The following GPBP1 variants were observed in gnomAD, a reference collection of about 807,000 sequenced individuals.
GPBP1 encodes the protein vasculin.
In GPBP1, 13 loss-of-function variants were observed where a neutral mutation model predicts 56.5. The ratio of observed to expected loss-of-function variants is 0.23; its 90% CI spans 0.15 to 0.37. The LOEUF is 0.37. Ranked by LOEUF, GPBP1 falls within the 10% of genes least tolerant of loss-of-function variation. The probability of loss-of-function intolerance (pLI) is 1.00; values close to 1 mark genes in which losing one functional copy is unlikely to be tolerated. For synonymous variants in GPBP1, 204 were observed against 188.9 expected (o/e 1.08, Z -0.66); for missense variants, 477 against 572.3 (o/e 0.83, Z 1.70).
At chr5:57,196,673 A>G (rs753518597) in intron 2 of GPBP1, among the ~76,000 whole-genome samples, 1 of 151,536 alleles carries the variant, frequency 6.6e-6, no homozygotes, top group Non-Finnish European at 1.5e-5. Flanking sequence ...GCTCACTGCA[A>G]CCTCGACTTG....
At chr5:57,185,405 C>T (rs1754243595) in intron 2 of GPBP1, among the ~76,000 whole-genome samples, 1 of 151,946 alleles carries the variant, frequency 6.6e-6, no homozygotes, top group South Asian at 2.1e-4. Context: ...GGATTACAGG[C>T]ACATGCCACA....
At chr5:57,215,228 TGTG>T (rs1165864458) in intron 3 of GPBP1, among the ~76,000 whole-genome samples, 1 of 152,242 alleles carries the variant, frequency 6.6e-6, no homozygotes, top group Admixed American at 6.5e-5. Flanking sequence ...ATTCCATGAA[TGTG>T]GTGATTTAGA....
At chr5:57,184,552 C>G (rs1754203107) in intron 2 of GPBP1, among the ~76,000 whole-genome samples, 1 of 152,146 alleles carries the variant, frequency 6.6e-6, no homozygotes, top group South Asian at 2.1e-4. Context: ...AACTCATCAC[C>G]AAGGGGTTGG....
intron 6 of GPBP1, among the ~76,000 whole-genome samples, chr5:57,236,347 A>T (rs1756661042): frequency 6.6e-6 from 1 of 152,194 alleles, no homozygotes; most frequent in South Asian, 2.1e-4. Context: ...TAAAGAAACA[A>T]ACTGAGTTTA....
Position 57,251,051 on chromosome 5 carries a change from G to A in GPBP1, c.1070G>A (p.Gly357Asp). The A allele has an allele frequency of 6.2e-7, 1 of 1,613,056 alleles. No homozygotes were observed. Among genetic ancestry groups the A allele is most frequent in the Non-Finnish European group, 8.5e-7 (1 of 1,179,574 alleles). Residue 357 changes from glycine (G) to aspartate (D), a missense_variant, in exon 10 of 12, where the codon GGC (glycine) becomes GAC (aspartate). Transcript: ENST00000506184. ...FDENEIPQEN[G>D]NASVISQQII... ...GAAAATGAAATTCCTCAAGAGAATG[G>A]CAATGCCTCAGTGATTTCCCAGCAG...
chr5:57,195,074 T>A (rs910056823), intron 2 of GPBP1, among the ~76,000 whole-genome samples: 1 of 144,528 alleles, frequency 6.9e-6, no homozygotes, highest in African/African-American at 2.7e-5. Context: ...TAAGGATGGG[T>A]TTTTTTTTTG....
chr5:57,176,226 TA>T lies in GPBP1; in HGVS notation c.-228del. ...TCGGGAGATAGCCATATGAAAACTT[TA>T]AAACAGAAGTATGGGTAGCTGACTT... On this transcript the variant is annotated 5_prime_UTR_variant, in exon 2 of 12. It removes the in-frame stop codon of an upstream open reading frame in the 5' UTR. Transcript: ENST00000506184. The T allele has an allele frequency of 2.6e-6, 1 of 386,792 alleles. No homozygotes were observed. Among genetic ancestry groups the T allele is most frequent in the Non-Finnish European group, 4.6e-6 (1 of 219,362 alleles). The allele number at this position is 386,792 out of a possible 1,614,324, so 24.0% of individuals were successfully genotyped here.
At chr5:57,217,668 T>C (rs906118403) in intron 3 of GPBP1, among the ~76,000 whole-genome samples, 7 of 152,118 alleles carry the variant, frequency 4.6e-5, no homozygotes, top group Admixed American at 3.9e-4. Context: ...AATGAGACAA[T>C]GCGAATGCAA....
intron 2 of GPBP1, among the ~76,000 whole-genome samples, chr5:57,178,426 A>G (rs1233725054): frequency 6.6e-6 from 1 of 151,984 alleles, no homozygotes; most frequent in Non-Finnish European, 1.5e-5. Context: ...TTGTATTTTT[A>G]GTAGGGACAG....
intron 2 of GPBP1, among the ~76,000 whole-genome samples, chr5:57,194,553 T>C (rs1452614803): frequency 6.6e-6 from 1 of 152,182 alleles, no homozygotes; most frequent in African/African-American, 2.4e-5. Context: ...ATTTTAGTTA[T>C]CTTGAAATAT....
At chr5:57,210,349 A>T (rs558104583) in intron 2 of GPBP1, among the ~76,000 whole-genome samples, 1 of 152,210 alleles carries the variant, frequency 6.6e-6, no homozygotes, top group African/African-American at 2.4e-5. Flanking sequence ...GGGTTTTCAT[A>T]CTAGCAGTAT....
chr5:57,216,868 C>CT (rs11346369), intron 3 of GPBP1, among the ~76,000 whole-genome samples: 81 of 148,962 alleles, frequency 5.4e-4, no homozygotes, highest in Non-Finnish European at 6.8e-4. Flanking sequence ...ATCTGGAACG[C>CT]TTTTTTTTTT....
chr5:57,249,572 A>G lies in GPBP1; in HGVS notation c.968A>G (p.Glu323Gly). Reference protein sequence around the residue: ...EHEDESRAGSEKDDDSFNLHN... With the variant: ...EHEDESRAGSGKDDDSFNLHN... The stretch of plus-strand genomic sequence containing the variant: ...GAAGATGAAAGCCGTGCTGGCTCAG[A>G]GAAGGTAATTGAATTTATAGCAATA... Residue 323 changes from glutamate to glycine, a missense_variant, in exon 9 of 12, where the codon GAG (glutamate) becomes GGG (glycine). Glu to Gly is a moderately conservative substitution (Grantham distance 98). This residue lies in a region of GPBP1 where 414 missense variants were observed against 458.2 expected (regional missense o/e 0.90). Transcript: ENST00000506184. The G allele has an allele frequency of 6.2e-7, 1 of 1,601,280 alleles. No homozygotes were observed. Among genetic ancestry groups the G allele is most frequent in the East Asian group, 2.2e-5 (1 of 44,740 alleles).
chr5:57,225,160 G>C (rs1756123795), intron 3 of GPBP1, among the ~76,000 whole-genome samples: 1 of 152,002 alleles, frequency 6.6e-6, no homozygotes, highest in Non-Finnish European at 1.5e-5. Flanking sequence ...AAGGAAGATA[G>C]AAAACTGGTA....
At position 57,252,106 on chromosome 5, in the gene GPBP1, A is replaced by C. The variant is rs534180920; in HGVS notation, c.1160+965A>C. Among the ~76,000 whole-genome samples, 562 of 151,986 alleles carry C rather than the reference A, an allele frequency of 3.7e-3. 1 individual carries two copies. Among genetic ancestry groups the C allele is most frequent in the Non-Finnish European group, 6.7e-3 (452 of 67,942 alleles). On this transcript the variant is annotated intron_variant, in intron 10 of 11. Coordinates refer to ENST00000506184, the MANE Select transcript of GPBP1 (RefSeq NM_022913.4). ...ATTCTGTGAGTTTTTTCATTCTCTCAGTAGTGCAATCACCTCCCACCCACC... is the reference window on the plus strand; with the variant it reads ...ATTCTGTGAGTTTTTTCATTCTCTCCGTAGTGCAATCACCTCCCACCCACC...
At chr5:57,187,423 T>C (rs751967392) in intron 2 of GPBP1, among the ~76,000 whole-genome samples, 1 of 152,236 alleles carries the variant, frequency 6.6e-6, no homozygotes, top group East Asian at 1.9e-4. Flanking sequence ...GTGCTAATTA[T>C]GTGCTAGAGA....
At chr5:57,215,176 G>T (rs1409525750) in intron 3 of GPBP1, among the ~76,000 whole-genome samples, 1 of 152,216 alleles carries the variant, frequency 6.6e-6, no homozygotes, top group Non-Finnish European at 1.5e-5. Context: ...ATGTACTTCA[G>T]TTTGCAGAGT....
chr5:57,188,441 C>T (rs1184504257), intron 2 of GPBP1, among the ~76,000 whole-genome samples: 1 of 152,074 alleles, frequency 6.6e-6, no homozygotes, highest in Non-Finnish European at 1.5e-5. Context: ...TAAAATTTAA[C>T]GTTCAGTGCT....
intron 3 of GPBP1, among the ~76,000 whole-genome samples, chr5:57,218,879 A>G (rs1350546137): frequency 6.6e-6 from 1 of 152,222 alleles, no homozygotes; most frequent in Non-Finnish European, 1.5e-5. Flanking sequence ...ATTCTCCTAT[A>G]GAATATAATT....
Sources: gnomAD v4.1 joint callset for allele counts (sites outside exome capture counted in the v4.1 genomes callset) on GRCh38, gnomAD v4.1.1 for gene constraint, gnomAD v4.1.1 regional missense constraint, MANE v1.5 for transcripts, NCBI Gene and HGNC (gene_info 2026-07-23, HGNC 2026-07-21) for gene names.